The following UBR7 variants were observed in gnomAD, a reference collection of about 807,000 sequenced individuals.
UBR7 encodes the protein putative E3 ubiquitin-protein ligase UBR7.
In UBR7, 22 loss-of-function variants were observed where a neutral mutation model predicts 57.0. The ratio of observed to expected loss-of-function variants is 0.39; its 90% CI spans 0.28 to 0.55. The LOEUF (loss-of-function observed/expected upper bound fraction) is 0.55, where lower values mean the gene tolerates loss of function less well. UBR7 is among the 20% of genes least tolerant of loss of function. The probability of loss-of-function intolerance (pLI) is 0.69; values close to 1 mark genes in which losing one functional copy is unlikely to be tolerated. For synonymous variants in UBR7, 167 were observed against 179.8 expected, an observed-to-expected ratio of 0.93 and a Z score of 0.57; for missense variants, 395 against 513.2, an observed-to-expected ratio of 0.77 and a Z score of 2.23.
intron 10 of UBR7, among the ~76,000 whole-genome samples, chr14:93,226,280 TTTTC>T (rs1166778829): frequency 1.3e-5 from 2 of 152,200 alleles, no homozygotes; most frequent in African/African-American, 2.4e-5. Context: ...CGTGCTCTAT[TTTTC>T]TTTCTCTTTC....
At chr14:93,222,973 G>A (rs909959564) in intron 10 of UBR7, among the ~76,000 whole-genome samples, 5 of 152,192 alleles carry the variant, frequency 3.3e-5, no homozygotes, top group Admixed American at 1.3e-4. Context: ...GAAGGAATCC[G>A]CAGTACTGAT....
At chr14:93,211,376 C>CT (rs976282574) in intron 3 of UBR7, among the ~76,000 whole-genome samples, 1 of 62,674 alleles carries the variant, frequency 1.6e-5, no homozygotes, top group South Asian at 7.1e-4. Flanking sequence ...GTGAAACCCC[C>CT]CCGTACTAAA....
chr14:93,223,728 G>A (rs1894766690), intron 10 of UBR7: 9 of 819,914 alleles, frequency 1.1e-5, no homozygotes, highest in East Asian at 2.5e-5. Flanking sequence ...GGCGGCACTT[G>A]CTGGCTGCGA....
At chr14:93,221,676 CTG>C (rs1894709981) in intron 9 of UBR7, among the ~76,000 whole-genome samples, 1 of 151,998 alleles carries the variant, frequency 6.6e-6, no homozygotes, top group Admixed American at 6.6e-5. Context: ...ATAATATAAA[CTG>C]TTAAGTGAGT....
At chr14:93,226,283 T>A (rs1894846897) in intron 10 of UBR7, among the ~76,000 whole-genome samples, 1 of 152,210 alleles carries the variant, frequency 6.6e-6, no homozygotes, top group African/African-American at 2.4e-5. Context: ...GCTCTATTTT[T>A]CTTTCTCTTT....
intron 10 of UBR7, among the ~76,000 whole-genome samples, chr14:93,224,624 A>T (rs568486956): frequency 6.6e-6 from 1 of 151,972 alleles, no homozygotes; most frequent in Non-Finnish European, 1.5e-5. Flanking sequence ...TGATCCGCCC[A>T]CCTTGGCCTC....
rs748637217 is a variant in UBR7, at chr14:93,210,730, A to G, written c.345+22A>G. On this transcript the variant is annotated intron_variant, in intron 3 of 10. Transcript: ENST00000013070. ...TCCTGTAAGTAAGCACTGTAACTAT[A>G]AATGCATTTAGAGCAGCTGAGGTTA... The G allele has an allele frequency of 6.3e-6, 10 of 1,588,304 alleles. No individual in the cohort carries two copies. The East Asian group carries it at 2.2e-4, about 36-fold the overall frequency.
chr14:93,225,341 C>G (rs1044168858), intron 10 of UBR7, among the ~76,000 whole-genome samples: 1 of 151,234 alleles, frequency 6.6e-6, no homozygotes, highest in Non-Finnish European at 1.5e-5. Context: ...AAAAAAACCA[C>G]TTAGACTGGG....
chr14:93,228,873 A>G lies in UBR7; in HGVS notation c.*1838A>G. 1 of 454,132 alleles carries G rather than the reference A, an allele frequency of 2.2e-6. No individual in the cohort carries two copies. Among genetic ancestry groups the G allele is most frequent in the Non-Finnish European group, 4.4e-6 (1 of 226,792 alleles). 28.1% of individuals were successfully genotyped at this position (454,132 alleles called of 1,614,324 possible). A position where few individuals can be genotyped will look rare whatever the true frequency, so the allele number is the denominator to read the frequency against. ...CCAAGTCTTGGAGGTGATGTGTTACATTACGTGCAGCACAATAGTACCGAT... is the reference window on the plus strand; with the variant it reads ...CCAAGTCTTGGAGGTGATGTGTTACGTTACGTGCAGCACAATAGTACCGAT... On this transcript the variant is annotated 3_prime_UTR_variant, in exon 11 of 11. Coordinates refer to ENST00000013070, the MANE Select transcript of UBR7 (RefSeq NM_175748.4).
rs180850676 is a variant in UBR7 at position 93,219,917 on chromosome 14, A to G, written c.961-332A>G. On this transcript the variant is annotated intron_variant, in intron 8 of 10. Transcript: ENST00000013070. ...TTGAACCCAGAAGGCGGAGGTTGCA[A>G]TGAGTCGAGATCATGCCATTGCACT... Among the ~76,000 whole-genome samples, 147 of 152,148 alleles carry G rather than the reference A, an allele frequency of 9.7e-4. 1 individual carries two copies. The highest frequency in any genetic ancestry group is 1.3e-3 in the Non-Finnish European group (89 of 67,990).
intron 8 of UBR7, among the ~76,000 whole-genome samples, chr14:93,219,956 C>T (rs991943584): frequency 1.3e-5 from 2 of 148,328 alleles, no homozygotes; most frequent in African/African-American, 5.0e-5. Context: ...GCCTGGGCAA[C>T]GAGTGAAACT....
In UBR7 at chr14:93,228,956, T is replaced by G. The variant is rs1462253137; in HGVS notation, c.*1921T>G. ...GAAAGGTACTATTCCTTCTTTCACATTAACTGGAAACCTCTTTTTTTACCT... is the reference window on the plus strand; with the variant it reads ...GAAAGGTACTATTCCTTCTTTCACAGTAACTGGAAACCTCTTTTTTTACCT... On this transcript the variant is annotated 3_prime_UTR_variant, in exon 11 of 11. Transcript: ENST00000013070. The G allele has an allele frequency of 2.2e-6, 1 of 454,002 alleles. No individual in the cohort carries two copies. Among genetic ancestry groups the G allele is most frequent in the East Asian group, 6.9e-5 (1 of 14,406 alleles). 28.1% of individuals were successfully genotyped at this position (454,002 alleles called of 1,614,324 possible). A position where few individuals can be genotyped will look rare whatever the true frequency, so the allele number is the denominator to read the frequency against.
In UBR7 at chr14:93,220,880, C is replaced by T. The variant is rs182904836; in HGVS notation, c.1123+469C>T. Among the ~76,000 whole-genome samples the T allele has an allele frequency of 4.5e-3, 682 of 152,132 alleles. 2 individuals are homozygous for T. Among genetic ancestry groups the T allele is most frequent in the Non-Finnish European group, 6.8e-3 (464 of 68,002 alleles). On this transcript the variant is annotated intron_variant, in intron 9 of 10. Coordinates refer to ENST00000013070, the MANE Select transcript of UBR7 (RefSeq NM_175748.4). ...CTTATTTCAGTGGTTTCTATCCCAG[C>T]CATTTCCACTTGGATGCCACCACTT...
rs1279987492 is a variant in UBR7 at position 93,210,632 on chromosome 14, T to A, written c.285-16T>A. The A allele has an allele frequency of 6.3e-7, 1 of 1,587,428 alleles. No homozygotes were observed. Among genetic ancestry groups the A allele is most frequent in the Non-Finnish European group, 8.6e-7 (1 of 1,163,242 alleles). On this transcript the variant is annotated splice_polypyrimidine_tract_variant and intron_variant, in intron 2 of 10. Coordinates refer to ENST00000013070, the MANE Select transcript of UBR7 (RefSeq NM_175748.4). ...GTAAAAAGAAAAATAAAATTGTTAT[T>A]TCCTCCTTTTTTCAGAAATTTTCGT...
intron 6 of UBR7, among the ~76,000 whole-genome samples, chr14:93,217,439 A>G (rs958928148): frequency 1.3e-5 from 2 of 152,006 alleles, no homozygotes; most frequent in Admixed American, 6.6e-5. Context: ...GAGCTCCCCT[A>G]TCGTTTCTCT....
At chr14:93,211,172 G>A (rs1310495718) in intron 3 of UBR7, among the ~76,000 whole-genome samples, 7 of 151,774 alleles carry the variant, frequency 4.6e-5, no homozygotes, top group Middle Eastern at 6.3e-3. Context: ...CCCAGGAGGC[G>A]GAGGTTGCAG....
chr14:93,226,415 C>T (rs1267958413), intron 10 of UBR7, among the ~76,000 whole-genome samples: 2 of 152,022 alleles, frequency 1.3e-5, no homozygotes, highest in Non-Finnish European at 1.5e-5. Context: ...TGGGAGGAAG[C>T]GGGAGGATCA....
At position 93,218,390 on chromosome 14, in the gene UBR7, G is replaced by A. The variant is rs539324061; in HGVS notation, c.602-137G>A. 1.6e-4 allele frequency: 128 copies of A among 781,402 alleles called. No homozygotes were observed. In the African/African-American group the frequency reaches 2.0e-3, roughly 12 times the overall value. The allele number at this position is 781,402 out of a possible 1,614,324, so 48.4% of individuals were successfully genotyped here. A position where few individuals can be genotyped will look rare whatever the true frequency, so the allele number is the denominator to read the frequency against. ...CATGCCACTGCACTCCAGTGTGGAC[G>A]ACAGAGTGAGACTCTGTCTGTAAAA... On this transcript the variant is annotated intron_variant, in intron 6 of 10. Transcript: ENST00000013070.
At chr14:93,220,197 A>C in intron 8 of UBR7, 52 bp from the exon 9 acceptor site, 1 of 1,566,024 alleles carries the variant, frequency 6.4e-7, no homozygotes. Flanking sequence ...AATGATAAAC[A>C]GTTCTAATGG....
Sources: allele counts gnomAD v4.1 joint callset (sites outside exome capture counted in the v4.1 genomes callset), GRCh38; gene constraint gnomAD v4.1.1; transcripts MANE v1.5; gene names NCBI Gene and HGNC (gene_info 2026-07-23, HGNC 2026-07-21).